The following RBM18 variants were observed in gnomAD, a reference collection of about 807,000 sequenced individuals.
RBM18 encodes RNA binding motif protein 18, also known as probable RNA-binding protein 18.
A neutral mutation model predicts 26.4 loss-of-function variants in RBM18; 18 were observed. That is an observed-to-expected ratio of 0.68 (90% CI 0.47 to 1.01). The LOEUF is 1.01. Among genes scored for constraint, RBM18 ranks in the 50% least tolerant of loss-of-function variants. RBM18 has a pLI of 0.00. For synonymous variants in RBM18, 74 were observed against 81.1 expected (o/e 0.91, Z 0.47); for missense variants, 180 against 219.2 (o/e 0.82, Z 1.13).
intron 4 of RBM18, among the ~76,000 whole-genome samples, chr9:122,246,709 T>C (rs988093838): frequency 1.3e-5 from 2 of 152,156 alleles, no homozygotes; most frequent in African/African-American, 2.4e-5. Flanking sequence ...GGGAAGTTTG[T>C]TGGGGAGTGG....
Position 122,239,255 on chromosome 9 carries a change from C to T in RBM18, c.*2629G>A, listed in dbSNP as rs1831374876. The T allele has an allele frequency of 6.6e-6, 1 of 151,678 alleles. No homozygotes were observed. Among genetic ancestry groups the T allele is most frequent in the African/African-American group, 2.4e-5 (1 of 41,294 alleles). The allele number at this position is 151,678 out of a possible 1,614,324, so 9.4% of individuals were successfully genotyped here. The stretch of plus-strand genomic sequence containing the variant: ...TTTGAGACGGTGTCTCACTCTGTTG[C>T]CCAGGCTGGAGTGCAGTGGCACAAT... On this transcript the variant is annotated 3_prime_UTR_variant, in exon 6 of 6. Transcript: ENST00000417201.
chr9:122,249,478 C>T (rs894814233), intron 3 of RBM18, among the ~76,000 whole-genome samples: 4 of 152,058 alleles, frequency 2.6e-5, no homozygotes, highest in Admixed American at 2.0e-4. Context: ...TTTGGGAGGC[C>T]GAAGCAGGCT....
chr9:122,242,126 G>T, intron 5 of RBM18, 83 bp from the exon 6 acceptor site: 1 of 1,341,804 alleles, frequency 7.5e-7, no homozygotes, highest in East Asian at 2.4e-5. Context: ...TGAGCCTCTT[G>T]GGAATATTAG....
In RBM18 at chr9:122,242,728, G is replaced by A. The variant is rs536147307; in HGVS notation, c.414-685C>T. ...GCTGTAATACAGTGGTGCCATCATA[G>A]CTTACTAAAACCTTGAACTCCTGAG... On this transcript the variant is annotated intron_variant, in intron 5 of 5. Transcript: ENST00000417201. Among the ~76,000 whole-genome samples the A allele has an allele frequency of 2.8e-4, 43 of 151,934 alleles. 1 individual carries two copies. Among genetic ancestry groups the A allele is most frequent in the African/African-American group, 1.0e-3 (43 of 41,414 alleles).
chr9:122,249,511 G>A (rs982674016), intron 3 of RBM18, among the ~76,000 whole-genome samples: 5 of 151,930 alleles, frequency 3.3e-5, no homozygotes, highest in South Asian at 2.1e-4. Flanking sequence ...CCAGGAGTTT[G>A]ATCAGCCTGA....
intron 2 of RBM18, 112 bp downstream of exon 2, chr9:122,261,268 T>C (rs1394751052): frequency 7.0e-6 from 5 of 718,538 alleles, no homozygotes; most frequent in East Asian, 5.0e-5. Flanking sequence ...GAAGACACGA[T>C]GTAAGTAAAA....
At position 122,241,797 on chromosome 9, in the gene RBM18, G is replaced by T; in HGVS notation, c.*87C>A. 1 of 1,128,144 alleles carries T rather than the reference G, an allele frequency of 8.9e-7. No individual in the cohort carries two copies. The highest frequency in any genetic ancestry group is 1.3e-6 in the Non-Finnish European group (1 of 767,136). The allele number at this position is 1,128,144 out of a possible 1,614,324, so 69.9% of individuals were successfully genotyped here. On this transcript the variant is annotated 3_prime_UTR_variant, in exon 6 of 6. Transcript: ENST00000417201. ...ACATGTGATTGTGCTCCGTTGAATA[G>T]TACCATTCACATCTACAAAGTACAC...
At chr9:122,260,190 C>G (rs570230365) in intron 2 of RBM18, among the ~76,000 whole-genome samples, 1 of 151,962 alleles carries the variant, frequency 6.6e-6, no homozygotes, top group African/African-American at 2.4e-5. Flanking sequence ...CTACTAAAAA[C>G]ACAAAAATCA....
At position 122,258,818 on chromosome 9, in the gene RBM18, C is replaced by A. The variant is rs548128177; in HGVS notation, c.113+2562G>T. ...ACAACAAACTAGCCAGGCATGGTGGCGAGCACCTGTAGTCCCAGCTACCCA... is the reference window on the plus strand; with the variant it reads ...ACAACAAACTAGCCAGGCATGGTGGAGAGCACCTGTAGTCCCAGCTACCCA... On this transcript the variant is annotated intron_variant, in intron 2 of 5. Transcript: ENST00000417201. 6.1e-5 allele frequency among the ~76,000 whole-genome samples: 9 copies of A among 148,270 alleles called. No homozygotes were observed. In the East Asian group the frequency reaches 1.8e-3, roughly 30 times the overall value.
At chr9:122,251,777 C>A in intron 3 of RBM18, 70 bp downstream of exon 3, 1 of 1,461,982 alleles carries the variant, frequency 6.8e-7, no homozygotes. Flanking sequence ...TTCTAGTAGG[C>A]AAGAGACATG....
Position 122,251,093 on chromosome 9 carries a change from AT to A in RBM18, c.240+753del, listed in dbSNP as rs541756523. 6.7e-3 allele frequency among the ~76,000 whole-genome samples: 1,022 copies of A among 151,652 alleles called. 6 individuals are homozygous for A. The highest frequency in any genetic ancestry group is 0.021 in the South Asian group (101 of 4,792). ...TGCACCATCACACATAATTAAAAAAATTTTTTTTAGAGACAGGGTCTCACTA... is the reference window on the plus strand; with the variant it reads ...TGCACCATCACACATAATTAAAAAAATTTTTTTAGAGACAGGGTCTCACTA... On this transcript the variant is annotated intron_variant, in intron 3 of 5. Transcript: ENST00000417201.
chr9:122,258,531 T>A (rs1831733974), intron 2 of RBM18, among the ~76,000 whole-genome samples: 1 of 152,124 alleles, frequency 6.6e-6, no homozygotes, highest in Non-Finnish European at 1.5e-5. Flanking sequence ...CCTCCCAAAG[T>A]GCTGGGATTA....
rs892102306 is a variant in RBM18, at chr9:122,240,339, T to C, written c.*1545A>G. On this transcript the variant is annotated 3_prime_UTR_variant, in exon 6 of 6. Transcript: ENST00000417201. The stretch of plus-strand genomic sequence containing the variant: ...ATCATAGACAGACACAGCTAATACA[T>C]ACAGAAAGTATTTGATGTCTAGAGA... The C allele has an allele frequency of 2.6e-5, 4 of 152,160 alleles. No individual in the cohort carries two copies. The highest frequency in any genetic ancestry group is 2.9e-5 in the Non-Finnish European group (2 of 68,030). The allele number at this position is 152,160 out of a possible 1,614,324, so 9.4% of individuals were successfully genotyped here.
chr9:122,261,141 G>A (rs921139008), intron 2 of RBM18, among the ~76,000 whole-genome samples: 2 of 152,028 alleles, frequency 1.3e-5, no homozygotes, highest in Admixed American at 6.6e-5. Flanking sequence ...GTCTTTGGCA[G>A]ATAGGAAAAA....
intron 2 of RBM18, among the ~76,000 whole-genome samples, chr9:122,253,010 G>C (rs1401879837): frequency 6.6e-6 from 1 of 152,086 alleles, no homozygotes; most frequent in Non-Finnish European, 1.5e-5. Flanking sequence ...CCTTCCTCCT[G>C]GCATCCTCCG....
intron 5 of RBM18, among the ~76,000 whole-genome samples, chr9:122,243,075 G>A (rs762111816): frequency 6.6e-6 from 1 of 152,190 alleles, no homozygotes; most frequent in East Asian, 1.9e-4. Context: ...TGATCCGTCC[G>A]CCTTGACCTC....
chr9:122,264,398 G>A (rs1349751833), intron 1 of RBM18, among the ~76,000 whole-genome samples: 3 of 152,168 alleles, frequency 2.0e-5, no homozygotes, highest in East Asian at 1.9e-4. Flanking sequence ...CACAAAACGC[G>A]GTTACATTTG....
At position 122,261,383 on chromosome 9, in the gene RBM18, G is replaced by A. The variant is rs1294663772; in HGVS notation, c.110C>T (p.Thr37Ile). ...AACTAAGGTAACTTAGACTTACTCG[G>A]TAATTTTGGGGTCCAGGTTGCCAAT... ...LWIGNLDPKI[T>I]EYHLLKLLQK... The change falls in exon 2 of 6, where the codon ACC (threonine) becomes ATC (isoleucine). Residue 37 changes from threonine to isoleucine, a missense_variant. Physicochemically the swap from Thr to Ile is moderately conservative, Grantham distance 89 (BLOSUM62 -1). Around this residue, in one of 3 missense-constraint regions of RBM18, gnomAD observed 49 missense variants for 56.6 expected, o/e 0.87. Transcript: ENST00000417201. The A allele has an allele frequency of 6.2e-7, 1 of 1,608,248 alleles. No homozygotes were observed. The highest frequency in any genetic ancestry group is 2.2e-5 in the East Asian group (1 of 44,844).
intron 5 of RBM18, among the ~76,000 whole-genome samples, chr9:122,244,852 T>C (rs1337022016): frequency 6.6e-6 from 1 of 152,136 alleles, no homozygotes; most frequent in Non-Finnish European, 1.5e-5. Context: ...GTACATAGAA[T>C]CAAACATCTG....
Sources: allele counts gnomAD v4.1 joint callset (sites outside exome capture counted in the v4.1 genomes callset), GRCh38; gene constraint gnomAD v4.1.1; regional missense constraint gnomAD v4.1.1; transcripts MANE v1.5; gene names NCBI Gene and HGNC (gene_info 2026-07-23, HGNC 2026-07-21).